GAL3ST2: variants seen among roughly 807,000 people sequenced by gnomAD.
GAL3ST2 encodes beta-galactose-3-O-sulfotransferase 2.
GAL3ST2 carries 16 observed loss-of-function variants against 12.9 expected under a neutral mutation model. The observed-to-expected ratio is 1.24, with a 90% CI of 0.84 to 1.88. GAL3ST2 has a LOEUF of 1.88. Among genes scored for constraint, GAL3ST2 ranks in the 40% most tolerant of loss-of-function variants. GAL3ST2 has a pLI of 0.00. For synonymous variants in GAL3ST2, 302 were observed against 273.9 expected (o/e 1.10, Z -1.01); for missense variants, 639 against 571.8 (o/e 1.12, Z -1.20).
chr2:241,779,749 G>T (rs1468270913), intron 1 of GAL3ST2, among the ~76,000 whole-genome samples: 1 of 151,624 alleles, frequency 6.6e-6, no homozygotes, highest in Non-Finnish European at 1.5e-5. Flanking sequence ...ACTTTGGGAG[G>T]CCGAGGCGGG....
In GAL3ST2 at chr2:241,779,359, G is replaced by A. The variant is rs186782006; in HGVS notation, c.29+2375G>A. Reference sequence around the variant, plus strand: ...CGCCATTCTCCCGCCTCAGCCTCCCGAGTAGCTGGGACTACAGGCGCCCGC... The same window carrying A: ...CGCCATTCTCCCGCCTCAGCCTCCCAAGTAGCTGGGACTACAGGCGCCCGC... On this transcript the variant is annotated intron_variant, in intron 1 of 3. Transcript: ENST00000192314. Among the ~76,000 whole-genome samples the A allele has an allele frequency of 7.9e-3, 1,181 of 149,880 alleles. 14 individuals carry two copies. Among genetic ancestry groups the A allele is most frequent in the African/African-American group, 0.027 (1,103 of 40,822 alleles).
At chr2:241,780,181 T>C (rs753111410) in intron 1 of GAL3ST2, among the ~76,000 whole-genome samples, 1 of 151,964 alleles carries the variant, frequency 6.6e-6, no homozygotes, top group Non-Finnish European at 1.5e-5. Flanking sequence ...TTGAAAAACA[T>C]TAGGCAAGAC....
intron 1 of GAL3ST2, among the ~76,000 whole-genome samples, chr2:241,788,299 G>A (rs1699651662): frequency 6.6e-6 from 1 of 152,168 alleles, no homozygotes; most frequent in Non-Finnish European, 1.5e-5. Flanking sequence ...ACTGTGAGAG[G>A]ATTTGACCTC....
chr2:241,794,236 C>T (rs905026256), intron 1 of GAL3ST2, among the ~76,000 whole-genome samples: 2 of 152,172 alleles, frequency 1.3e-5, no homozygotes, highest in South Asian at 4.1e-4. Context: ...GTGTGAGCCA[C>T]CACACCTGGC....
At position 241,802,900 on chromosome 2, in the gene GAL3ST2, T is replaced by G. The variant is rs185466305; in HGVS notation, c.376-445T>G. Among the ~76,000 whole-genome samples the G allele has an allele frequency of 6.6e-6, 1 of 152,198 alleles. No homozygotes were observed. Among genetic ancestry groups the G allele is most frequent in the African/African-American group, 2.4e-5 (1 of 41,538 alleles). ...TCTGGGCCTCAGTTTCTTTGTCTGT[T>G]AGGTGGGTGTCACCCTGGCCTGTGG... On this transcript the variant is annotated intron_variant, in intron 3 of 3. Transcript: ENST00000192314. The surrounding 1 kb of genome is among the most constrained non-coding windows in gnomAD (Gnocchi z 4.8).
intron 1 of GAL3ST2, among the ~76,000 whole-genome samples, chr2:241,786,829 C>G (rs1354068077): frequency 6.6e-6 from 1 of 152,104 alleles, no homozygotes; most frequent in Non-Finnish European, 1.5e-5. Context: ...TACCGAAATG[C>G]AAACCCTGAA....
rs1354835570 is a variant in GAL3ST2 at position 241,803,764 on chromosome 2, G to A, written c.795G>A (p.Ser265=). The change falls in exon 4 of 4, where the codon TCG becomes TCA. Residue 265 remains serine (S), a synonymous_variant. Coordinates refer to ENST00000192314, the MANE Select transcript of GAL3ST2 (RefSeq NM_022134.3). The part of the protein sequence containing the change: ...SRSARSVARL[S]PETRERARSW... ...GCGCGCGCTCCGTGGCCCGCCTGTC[G>A]CCCGAGACCCGGGAGCGCGCGCGGA... is the stretch of plus-strand genomic sequence containing the variant. 3 of 1,513,588 alleles carry A rather than the reference G, an allele frequency of 2.0e-6. No homozygotes were observed. Among genetic ancestry groups the A allele is most frequent in the Non-Finnish European group, 1.8e-6 (2 of 1,136,070 alleles). The allele number at this position is 1,513,588 out of a possible 1,614,324, so 93.8% of individuals were successfully genotyped here. A position where few individuals can be genotyped will look rare whatever the true frequency, so the allele number is the denominator to read the frequency against.
chr2:241,787,283 G>T (rs537732710), intron 1 of GAL3ST2, among the ~76,000 whole-genome samples: 2 of 152,218 alleles, frequency 1.3e-5, no homozygotes, highest in South Asian at 2.1e-4. Flanking sequence ...AAACAAATGC[G>T]CATCGTCAAC....
At position 241,804,168 on chromosome 2, in the gene GAL3ST2, G is replaced by GGGGCC. The variant is rs773700892; in HGVS notation, c.*11_*15dup. 10 of 1,428,478 alleles carry GGGGCC rather than the reference G, an allele frequency of 7.0e-6. No individual in the cohort carries two copies. The South Asian group carries it at 7.3e-5, about 10-fold the overall frequency. 88.5% of individuals were successfully genotyped at this position (1,428,478 alleles called of 1,614,324 possible). A position where few individuals can be genotyped will look rare whatever the true frequency, so the allele number is the denominator to read the frequency against. On this transcript the variant is annotated 3_prime_UTR_variant, in exon 4 of 4. Transcript: ENST00000192314. Reference sequence around the variant, plus strand: ...AACATCCCGTTCCTGGGGGCGTAGAGGGGCCGGGCCGGGGACGAGGCCTCC... The same window carrying GGGGCC: ...AACATCCCGTTCCTGGGGGCGTAGAGGGGCCGGGCCGGGCCGGGGACGAGGCCTCC...
In GAL3ST2 at chr2:241,803,500, C is replaced by T; in HGVS notation, c.531C>T (p.Phe177=). 6.2e-7 allele frequency: 1 copy of T among 1,611,456 alleles called. No individual in the cohort carries two copies. Among genetic ancestry groups the T allele is most frequent in the Admixed American group, 1.7e-5 (1 of 59,796 alleles). The change falls in exon 4 of 4, where the codon TTC becomes TTT. Residue 177 remains phenylalanine, a synonymous_variant. Coordinates refer to ENST00000192314, the MANE Select transcript of GAL3ST2 (RefSeq NM_022134.3). ...CGTTCCTGGCCTCGCCGCGGACGTTCTACAACGACAGCCGCCACCTCAGGA... is the reference window on the plus strand; with the variant it reads ...CGTTCCTGGCCTCGCCGCGGACGTTTTACAACGACAGCCGCCACCTCAGGA... The part of the protein sequence containing the change: ...LDAFLASPRT[F]YNDSRHLRNV...
In GAL3ST2 at chr2:241,802,107, C is replaced by G; in HGVS notation, c.375+71C>G. 6.6e-7 allele frequency: 1 copy of G among 1,511,338 alleles called. No individual in the cohort carries two copies. The highest frequency in any genetic ancestry group is 8.9e-7 in the Non-Finnish European group (1 of 1,123,888). The allele number at this position is 1,511,338 out of a possible 1,614,324, so 93.6% of individuals were successfully genotyped here. On this transcript the variant is annotated intron_variant, in intron 3 of 3. Transcript: ENST00000192314. The surrounding 1 kb of genome is among the most constrained non-coding windows in gnomAD (Gnocchi z 4.8). ...GTGGCTGTGGGTCTGGGTGGTGTAG[C>G]CTGGAGGCTGGAGAGAAGGAGTGTA...
At position 241,800,651 on chromosome 2, in the gene GAL3ST2, G is replaced by A. The variant is rs1699831877; in HGVS notation, c.120-1130G>A. On this transcript the variant is annotated intron_variant, in intron 2 of 3. Transcript: ENST00000192314. This position sits in a 1 kb window ranked among gnomAD's most constrained non-coding sequence, Gnocchi z 5.2. ...GTCCGGGGCTGGGGGTCCCTGCTCA[G>A]GGGACAGTTACTGAAATGCGGCTCT... 6.6e-6 allele frequency among the ~76,000 whole-genome samples: 1 copy of A among 152,224 alleles called. No individual in the cohort carries two copies. Among genetic ancestry groups the A allele is most frequent in the Non-Finnish European group, 1.5e-5 (1 of 68,048 alleles).
chr2:241,804,036 C>T lies in GAL3ST2; in HGVS notation c.1067C>T (p.Pro356Leu), dbSNP rs1034112828. 2.6e-6 allele frequency: 4 copies of T among 1,562,130 alleles called. No homozygotes were observed. Among genetic ancestry groups the T allele is most frequent in the Admixed American group, 1.9e-5 (1 of 53,976 alleles). The change falls in exon 4 of 4, where the codon CCG (proline) becomes CTG (leucine). Residue 356 changes from proline (P) to leucine (L), a missense_variant. Physicochemically the swap from Pro to Leu is moderately conservative, Grantham distance 98. Transcript: ENST00000192314. The part of the protein sequence containing the change: ...KADILGYNLR[P>L]GLDNQTLGVC... ...GACATCCTGGGTTACAACCTCCGGC[C>T]GGGCCTGGACAACCAGACGCTGGGC...
rs890518343 is a variant in GAL3ST2, at chr2:241,795,381, G to T, written c.30-3684G>T. On this transcript the variant is annotated intron_variant, in intron 1 of 3. Transcript: ENST00000192314. This position sits in a 1 kb window ranked among gnomAD's most constrained non-coding sequence, Gnocchi z 4.5. ...TTCATGCTGCCGCAAGGCCAAGGGGGGTATTGTAAGTGTGAAAGCAGCATC... is the reference window on the plus strand; with the variant it reads ...TTCATGCTGCCGCAAGGCCAAGGGGTGTATTGTAAGTGTGAAAGCAGCATC... Among the ~76,000 whole-genome samples the T allele has an allele frequency of 1.3e-5, 2 of 152,208 alleles. No homozygotes were observed. The highest frequency in any genetic ancestry group is 2.4e-5 in the African/African-American group (1 of 41,454).
Position 241,802,073 on chromosome 2 carries a change from G to C in GAL3ST2, c.375+37G>C. The C allele has an allele frequency of 6.4e-7, 1 of 1,573,230 alleles. No homozygotes were observed. The highest frequency in any genetic ancestry group is 8.6e-7 in the Non-Finnish European group (1 of 1,159,332). ...CTGCTGGGGAGGAGGGCGGGCTGCAGCCGTGCCTGTGGCTGTGGGTCTGGG... is the reference window on the plus strand; with the variant it reads ...CTGCTGGGGAGGAGGGCGGGCTGCACCCGTGCCTGTGGCTGTGGGTCTGGG... On this transcript the variant is annotated intron_variant, in intron 3 of 3. Transcript: ENST00000192314. The surrounding 1 kb of genome is among the most constrained non-coding windows in gnomAD (Gnocchi z 4.8).
In GAL3ST2 at chr2:241,801,436, C is replaced by A. The variant is rs74603454; in HGVS notation, c.120-345C>A. On this transcript the variant is annotated intron_variant, in intron 2 of 3. Transcript: ENST00000192314. This position sits in a 1 kb window ranked among gnomAD's most constrained non-coding sequence, Gnocchi z 4.4. ...TGTGACGAGGCGTCTACCTCCCATC[C>A]CATCACTGCTGGGAACTCAGTTTTA... 0.092 allele frequency: 34,993 copies of A among 382,388 alleles called. 2,237 individuals carry two copies. The highest frequency in any genetic ancestry group is 0.19 in the African/African-American group (9,020 of 48,296). The allele number at this position is 382,388 out of a possible 1,614,324, so 23.7% of individuals were successfully genotyped here. A position where few individuals can be genotyped will look rare whatever the true frequency, so the allele number is the denominator to read the frequency against.
chr2:241,796,368 G>C (rs1170173224), intron 1 of GAL3ST2, among the ~76,000 whole-genome samples: 1 of 152,068 alleles, frequency 6.6e-6, no homozygotes. Flanking sequence ...GTTGACTCCA[G>C]ACCTGGGCCA....
intron 1 of GAL3ST2, among the ~76,000 whole-genome samples, chr2:241,785,641 T>C (rs1699619028): frequency 6.6e-6 from 1 of 152,024 alleles, no homozygotes. Flanking sequence ...GGCACCTTCT[T>C]GGTTTTCTTT....
In GAL3ST2 at chr2:241,799,053, C is replaced by T. The variant is rs1404704313; in HGVS notation, c.30-12C>T. On this transcript the variant is annotated splice_polypyrimidine_tract_variant and intron_variant, in intron 1 of 3. Coordinates refer to ENST00000192314, the MANE Select transcript of GAL3ST2 (RefSeq NM_022134.3). ...ACCCGGACTGGGCACTCATGGCCTG[C>T]CCTTTCCACAGATACTTCCGGGTCA... The T allele has an allele frequency of 6.2e-7, 1 of 1,611,200 alleles. No homozygotes were observed. The highest frequency in any genetic ancestry group is 1.7e-4 in the Middle Eastern group (1 of 6,058).
Sources: allele counts gnomAD v4.1 joint callset (sites outside exome capture counted in the v4.1 genomes callset), GRCh38; gene constraint gnomAD v4.1.1; non-coding constraint Gnocchi (gnomAD v3.1); transcripts MANE v1.5; gene names NCBI Gene and HGNC (gene_info 2026-07-23, HGNC 2026-07-21).